The following DGAT2L6 variants were observed in gnomAD, a reference collection of about 807,000 sequenced individuals.
The protein encoded by DGAT2L6 is diacylglycerol O-acyltransferase 2 like 6.
Under a neutral mutation model 25.5 loss-of-function variants are expected in DGAT2L6, and 22 were observed. The observed-to-expected ratio is 0.86, with a 90% CI of 0.62 to 1.23. The LOEUF is 1.23. DGAT2L6 is among the 50% of genes most tolerant of loss of function. The pLI, the probability that DGAT2L6 is intolerant of heterozygous loss-of-function variation, is 0.00. For synonymous variants in DGAT2L6, 100 were observed against 94.7 expected, an observed-to-expected ratio of 1.06 and a Z score of -0.32; for missense variants, 287 against 253.2, an observed-to-expected ratio of 1.13 and a Z score of -0.91.
At chrX:70,199,932 G>A in intron 3 of DGAT2L6, 50 bp downstream of exon 3, 1 of 1,112,240 alleles carries the variant, frequency 9.0e-7, no homozygotes, top group Non-Finnish European at 1.2e-6. Flanking sequence ...CCAGACCCTT[G>A]CTCCCTACTC....
chrX:70,183,068 C>T (rs1257853647), intron 1 of DGAT2L6, among the ~76,000 whole-genome samples: 4 of 112,471 alleles, frequency 3.6e-5, no homozygotes, highest in Non-Finnish European at 7.5e-5. Flanking sequence ...GCTGGGATTA[C>T]AGGCGTGAGC....
intron 5 of DGAT2L6, among the ~76,000 whole-genome samples, chrX:70,202,754 C>T (rs2085415188): frequency 8.9e-6 from 1 of 111,791 alleles, no homozygotes; most frequent in African/African-American, 3.3e-5. Context: ...TCCCCCACCC[C>T]AAGAGTCTAT....
At chrX:70,179,007 C>T (rs989105632) in intron 1 of DGAT2L6, among the ~76,000 whole-genome samples, 6 of 112,236 alleles carry the variant, frequency 5.3e-5, no homozygotes, top group African/African-American at 1.9e-4. Context: ...ACATATGTTA[C>T]TATATTATAT....
In DGAT2L6 at chrX:70,177,576, C is replaced by G. The variant is rs374597228; in HGVS notation, c.-7C>G. On this transcript the variant is annotated 5_prime_UTR_variant, in exon 1 of 7. Coordinates refer to ENST00000333026, the MANE Select transcript of DGAT2L6 (RefSeq NM_198512.3). ...GCTTCTTGCCACAACAGAACAGCAC[C>G]ATAACCATGGCTTTCTTCTCCCGAC... 2 of 1,207,983 alleles carry G rather than the reference C, an allele frequency of 1.7e-6. No individual in the cohort carries two copies. Among genetic ancestry groups the G allele is most frequent in the African/African-American group, 1.7e-5 (1 of 57,228 alleles).
At chrX:70,180,829 A>G (rs1294480546) in intron 1 of DGAT2L6, among the ~76,000 whole-genome samples, 1 of 112,300 alleles carries the variant, frequency 8.9e-6, no homozygotes, top group African/African-American at 3.2e-5. Flanking sequence ...GGCTTATTTT[A>G]CTTAGTATAA....
intron 1 of DGAT2L6, among the ~76,000 whole-genome samples, chrX:70,185,749 T>C (rs1326145923): frequency 1.8e-5 from 2 of 111,954 alleles, no homozygotes; most frequent in African/African-American, 6.5e-5. Context: ...GTTTACTGAA[T>C]TATTAAATTA....
At chrX:70,181,482 A>C (rs1312948390) in intron 1 of DGAT2L6, among the ~76,000 whole-genome samples, 1 of 112,570 alleles carries the variant, frequency 8.9e-6, no homozygotes, top group Non-Finnish European at 1.9e-5. Flanking sequence ...AAGGTTACCA[A>C]GGTAGCTTCA....
chrX:70,202,651 T>C (rs1447802449), intron 5 of DGAT2L6, among the ~76,000 whole-genome samples: 6 of 111,529 alleles, frequency 5.4e-5, no homozygotes, highest in Non-Finnish European at 1.1e-4. Flanking sequence ...AACCACTTAC[T>C]ACCTAGGCTA....
intron 1 of DGAT2L6, among the ~76,000 whole-genome samples, chrX:70,186,639 AC>A (rs1255951422): frequency 8.9e-6 from 1 of 111,859 alleles, no homozygotes; most frequent in African/African-American, 3.3e-5. Flanking sequence ...TACTTAACAT[AC>A]TTTTCCTTCA....
At chrX:70,200,903 G>A (rs1199083147) in intron 4 of DGAT2L6, among the ~76,000 whole-genome samples, 1 of 111,734 alleles carries the variant, frequency 8.9e-6, no homozygotes, top group African/African-American at 3.3e-5. Flanking sequence ...ACATTTTGAA[G>A]TCTATCATAC....
Position 70,199,840 on chromosome X carries a change from C to A in DGAT2L6, c.225C>A (p.Asn75Lys). 1 of 1,211,496 alleles carries A rather than the reference C, an allele frequency of 8.3e-7. No individual in the cohort carries two copies. The highest frequency in any genetic ancestry group is 1.1e-6 in the Non-Finnish European group (1 of 895,413). Residue 75 changes from asparagine (N) to lysine (K), a missense_variant, in exon 3 of 7, where the codon AAC becomes AAA. Coordinates refer to ENST00000333026, the MANE Select transcript of DGAT2L6 (RefSeq NM_198512.3). ...QGGRRSAWVR[N>K]WTLWKYFRNY... ...GCAGGCGTTCAGCTTGGGTACGAAACTGGACCCTATGGAAGTATTTCCGAA... is the reference window on the plus strand; with the variant it reads ...GCAGGCGTTCAGCTTGGGTACGAAAATGGACCCTATGGAAGTATTTCCGAA...
In DGAT2L6 at chrX:70,190,487, A is replaced by G. The variant is rs1407174326; in HGVS notation, c.86-8784A>G. Among the ~76,000 whole-genome samples the G allele has an allele frequency of 2.7e-5, 3 of 111,550 alleles. No individual in the cohort carries two copies. The Admixed American group carries it at 2.8e-4, about 11-fold the overall frequency. ...ACACCCAGGCTTGTTGACTGTGGTG[A>G]AGGTTACAGACCTGGAAATAGCCTC... On this transcript the variant is annotated intron_variant, in intron 1 of 6. Transcript: ENST00000333026.
intron 2 of DGAT2L6, 90 bp downstream of exon 2, chrX:70,199,471 G>A: frequency 4.8e-6 from 3 of 625,461 alleles, no homozygotes; most frequent in Non-Finnish European, 7.5e-6. Flanking sequence ...GAGAACCAAG[G>A]GTAGGGGAGA....
chrX:70,189,920 T>G (rs1468321565), intron 1 of DGAT2L6, among the ~76,000 whole-genome samples: 1 of 112,119 alleles, frequency 8.9e-6, no homozygotes, highest in Non-Finnish European at 1.9e-5. Context: ...CAAGAGTTTT[T>G]GTAGCAATAA....
intron 1 of DGAT2L6, among the ~76,000 whole-genome samples, chrX:70,196,076 A>G (rs1305966359): frequency 8.9e-6 from 1 of 111,737 alleles, no homozygotes; most frequent in Non-Finnish European, 1.9e-5. Context: ...CATTGAATAT[A>G]CACCATTTTT....
chrX:70,191,229 C>T (rs1421249962), intron 1 of DGAT2L6, among the ~76,000 whole-genome samples: 1 of 111,831 alleles, frequency 8.9e-6, no homozygotes, highest in Non-Finnish European at 1.9e-5. Flanking sequence ...TCCTGAAGTG[C>T]AGTGAGTTGT....
At chrX:70,198,126 A>C (rs1249264852) in intron 1 of DGAT2L6, among the ~76,000 whole-genome samples, 1 of 112,576 alleles carries the variant, frequency 8.9e-6, no homozygotes, top group African/African-American at 3.2e-5. Flanking sequence ...ACCTGGTCAA[A>C]GAAGTCATTC....
rs1451737716 is a variant in DGAT2L6, at chrX:70,200,464, G to A, written c.472+5G>A. 50 of 1,202,353 alleles carry A rather than the reference G, an allele frequency of 4.2e-5. No homozygotes were observed. Among genetic ancestry groups the A allele is most frequent in the Non-Finnish European group, 5.6e-5 (50 of 889,610 alleles). On this transcript the variant is annotated splice_donor_5th_base_variant and intron_variant, in intron 4 of 6. Transcript: ENST00000333026. ...GAGAATATGTGATGTCAATGGGTGA[G>A]TATAAGAAATAATTAATTCTATTTT...
At chrX:70,190,352 A>T (rs972014728) in intron 1 of DGAT2L6, among the ~76,000 whole-genome samples, 3 of 111,903 alleles carry the variant, frequency 2.7e-5, no homozygotes, top group African/African-American at 6.5e-5. Flanking sequence ...AGAATCTGGC[A>T]GCCATCCATG....
Sources: allele counts gnomAD v4.1 joint callset (sites outside exome capture counted in the v4.1 genomes callset), GRCh38; gene constraint gnomAD v4.1.1; transcripts MANE v1.5; gene names NCBI Gene and HGNC (gene_info 2026-07-23, HGNC 2026-07-21).